Variants in NBEA observed in about 807,000 individuals in gnomAD.
The protein encoded by NBEA is lysosomal-trafficking regulator 2.
A neutral mutation model predicts 343.4 loss-of-function variants in NBEA; 44 were observed. The observed-to-expected ratio is 0.13, with a 90% CI of 0.10 to 0.16. The LOEUF is 0.16. Among genes scored for constraint, NBEA ranks in the 10% least tolerant of loss-of-function variants. NBEA has a pLI of 1.00. For synonymous variants in NBEA, 1,175 were observed against 1,238.7 expected (o/e 0.95, Z 1.08); for missense variants, 2,555 against 3,631.3 (o/e 0.70, Z 7.62).
chr13:35,597,222 A>G (rs189526163), intron 47 of NBEA, among the ~76,000 whole-genome samples: 133 of 152,296 alleles, frequency 8.7e-4, no homozygotes, highest in African/African-American at 3.0e-3. Context: ...ATATAATACT[A>G]TTAACTATAC....
chr13:35,244,011 T>G (rs1434727515), intron 34 of NBEA, among the ~76,000 whole-genome samples: 4 of 151,920 alleles, frequency 2.6e-5, no homozygotes. Flanking sequence ...AAACAAGTCT[T>G]AATACATTAA....
chr13:35,322,031 G>A (rs1019676952), intron 36 of NBEA, among the ~76,000 whole-genome samples: 1 of 152,142 alleles, frequency 6.6e-6, no homozygotes, highest in South Asian at 2.1e-4. Flanking sequence ...AGCTTGCTGA[G>A]CTCTGTTGGG....
chr13:35,148,053 G>A (rs549476321), intron 18 of NBEA, among the ~76,000 whole-genome samples: 2 of 152,150 alleles, frequency 1.3e-5, no homozygotes, highest in Admixed American at 1.3e-4. Context: ...GATGCTCCAG[G>A]CTGGCTCATC....
intron 1 of NBEA, 45 bp downstream of exon 1, chr13:34,943,159 T>TA: frequency 6.2e-7 from 1 of 1,602,858 alleles, no homozygotes. Context: ...AGTCCCCACA[T>TA]ACACCGTCCC....
At chr13:35,100,218 A>G (rs1389767249) in intron 11 of NBEA, among the ~76,000 whole-genome samples, 2 of 152,088 alleles carry the variant, frequency 1.3e-5, no homozygotes, top group Non-Finnish European at 2.9e-5. Flanking sequence ...GCTATATTTT[A>G]TATATTACAT....
At chr13:35,026,932 T>G (rs959095292) in intron 1 of NBEA, among the ~76,000 whole-genome samples, 36 of 152,132 alleles carry the variant, frequency 2.4e-4, no homozygotes, top group African/African-American at 8.7e-4. Flanking sequence ...TCTTGGTAAC[T>G]ACTACTCTCT....
chr13:35,302,576 T>C (rs1261932524), intron 35 of NBEA, among the ~76,000 whole-genome samples: 2 of 152,216 alleles, frequency 1.3e-5, no homozygotes, highest in African/African-American at 4.8e-5. Context: ...AGCCATATCA[T>C]ATTAATGGAG....
At chr13:35,263,149 T>C (rs2033359166) in intron 34 of NBEA, among the ~76,000 whole-genome samples, 1 of 152,162 alleles carries the variant, frequency 6.6e-6, no homozygotes, top group Non-Finnish European at 1.5e-5. Flanking sequence ...ATACAATCTC[T>C]AGCCCATAAA....
chr13:35,554,655 G>A (rs540202295), intron 43 of NBEA, among the ~76,000 whole-genome samples: 5 of 152,244 alleles, frequency 3.3e-5, no homozygotes, highest in African/African-American at 9.6e-5. Flanking sequence ...ACATGGAGCA[G>A]ATTTGCTGTA....
intron 36 of NBEA, among the ~76,000 whole-genome samples, chr13:35,325,897 A>G (rs1210885266): frequency 2.0e-5 from 3 of 152,060 alleles, no homozygotes; most frequent in East Asian, 3.9e-4. Flanking sequence ...TCCTAGCACC[A>G]TTTATTGAAT....
At chr13:35,035,234 A>G (rs1468630572) in intron 1 of NBEA, among the ~76,000 whole-genome samples, 3 of 151,942 alleles carry the variant, frequency 2.0e-5, no homozygotes, top group Non-Finnish European at 4.4e-5. Flanking sequence ...ATTAGTTTGA[A>G]GAAAATTTTC....
intron 44 of NBEA, 129 bp downstream of exon 44, chr13:35,555,231 A>T: frequency 1.9e-6 from 1 of 521,906 alleles, no homozygotes; most frequent in South Asian, 3.2e-5. Flanking sequence ...TGAAGCACTC[A>T]CATTAAATTT....
chr13:34,980,094 A>G lies in NBEA; in HGVS notation c.294+36980A>G, dbSNP rs1021901506. Among the ~76,000 whole-genome samples the G allele has an allele frequency of 1.2e-4, 18 of 152,082 alleles. 1 individual carries two copies. Among genetic ancestry groups the G allele is most frequent in the African/African-American group, 4.1e-4 (17 of 41,418 alleles). ...TACTGTGGTGTACTGTGGTGTCTCA[A>G]TTACTGTAGTTTTATGTAAATTTTG... On this transcript the variant is annotated intron_variant, in intron 1 of 58. Coordinates refer to ENST00000379939, the MANE Select transcript of NBEA (RefSeq NM_001385012.1).
At chr13:35,599,764 A>G (rs1267981488) in intron 47 of NBEA, among the ~76,000 whole-genome samples, 1 of 152,196 alleles carries the variant, frequency 6.6e-6, no homozygotes, top group Non-Finnish European at 1.5e-5. Flanking sequence ...TGCTCTTGGG[A>G]TGGGAGGACT....
chr13:35,155,133 A>T (rs1292209987), intron 18 of NBEA, among the ~76,000 whole-genome samples: 2 of 36,848 alleles, frequency 5.4e-5, no homozygotes, highest in Admixed American at 3.2e-4. Context: ...TTCTGTCTCT[A>T]AAAAAAAAAA....
chr13:35,393,429 A>G (rs1182110273), intron 38 of NBEA, among the ~76,000 whole-genome samples: 2 of 152,158 alleles, frequency 1.3e-5, no homozygotes, highest in African/African-American at 4.8e-5. Context: ...TTTCATTGCC[A>G]AACATTTAAA....
rs369998818 is a variant in NBEA at position 35,646,716 on chromosome 13, G to A, written c.7770+368G>A. 6.4e-4 allele frequency among the ~76,000 whole-genome samples: 98 copies of A among 152,232 alleles called. No individual in the cohort carries two copies. The South Asian group carries it at 0.017, about 26-fold the overall frequency. ...ACACAATATGATATTGCCAAATTTC[G>A]TGGCAAGATACAGTAGGGGAAGTAG... On this transcript the variant is annotated intron_variant, in intron 51 of 58. Coordinates refer to ENST00000379939, the MANE Select transcript of NBEA (RefSeq NM_001385012.1).
chr13:35,327,976 A>G (rs1262313800), intron 36 of NBEA, among the ~76,000 whole-genome samples: 5 of 151,904 alleles, frequency 3.3e-5, no homozygotes, highest in Admixed American at 6.6e-5. Flanking sequence ...GGCATCTGCA[A>G]AAAACATATA....
chr13:35,349,587 T>A (rs1215212899), intron 37 of NBEA, among the ~76,000 whole-genome samples: 1 of 151,126 alleles, frequency 6.6e-6, no homozygotes, highest in African/African-American at 2.5e-5. Context: ...AATAAACTCA[T>A]ATAAGATTCA....
Sources: allele counts gnomAD v4.1 joint callset (sites outside exome capture counted in the v4.1 genomes callset), GRCh38; gene constraint gnomAD v4.1.1; transcripts MANE v1.5; gene names NCBI Gene and HGNC (gene_info 2026-07-23, HGNC 2026-07-21).